The following PTPRQ variants were observed in gnomAD, a reference collection of about 807,000 sequenced individuals.
PTPRQ encodes protein tyrosine phosphatase receptor type Q.
A neutral mutation model predicts 246.0 loss-of-function variants in PTPRQ; 199 were observed. The observed-to-expected ratio is 0.81, with a 90% CI of 0.72 to 0.91. PTPRQ has a LOEUF of 0.91. PTPRQ is among the 40% of genes least tolerant of loss of function. PTPRQ has a pLI of 0.00. For synonymous variants in PTPRQ, 869 were observed against 853.2 expected, an observed-to-expected ratio of 1.02 and a Z score of -0.32; for missense variants, 2,624 against 2,528.4, an observed-to-expected ratio of 1.04 and a Z score of -0.81.
At chr12:80,486,930 G>A (rs1268706576) in intron 9 of PTPRQ, among the ~76,000 whole-genome samples, 1 of 152,042 alleles carries the variant, frequency 6.6e-6, no homozygotes, top group Non-Finnish European at 1.5e-5. Flanking sequence ...GCAATTTTAT[G>A]TACTGTGACA....
chr12:80,618,546 T>C (rs1202710440), intron 30 of PTPRQ, among the ~76,000 whole-genome samples: 1 of 151,600 alleles, frequency 6.6e-6, no homozygotes, highest in Non-Finnish European at 1.5e-5. Flanking sequence ...AAAGTACATA[T>C]ATCTTTTGTT....
intron 17 of PTPRQ, among the ~76,000 whole-genome samples, chr12:80,530,052 A>C (rs975451623): frequency 4.6e-5 from 7 of 152,120 alleles, no homozygotes; most frequent in African/African-American, 1.7e-4. Context: ...TTGGATATGT[A>C]AGAGTTAGAC....
chr12:80,643,044 A>C (rs1264157553), intron 35 of PTPRQ, among the ~76,000 whole-genome samples: 1 of 152,116 alleles, frequency 6.6e-6, no homozygotes, highest in Admixed American at 6.5e-5. Flanking sequence ...TATCCTTCAA[A>C]TTTAATGCTT....
intron 25 of PTPRQ, among the ~76,000 whole-genome samples, chr12:80,558,593 C>T (rs554181455): frequency 2.6e-5 from 4 of 151,412 alleles, no homozygotes; most frequent in East Asian, 3.9e-4. Context: ...TATAAACACA[C>T]GTGCACAATT....
At position 80,539,929 on chromosome 12, in the gene PTPRQ, T is replaced by C. The variant is rs969072121; in HGVS notation, c.3139T>C (p.Tyr1047His). 5 of 1,544,080 alleles carry C rather than the reference T, an allele frequency of 3.2e-6. No individual in the cohort carries two copies. The change falls in exon 20 of 45, where the codon TAC (tyrosine) becomes CAC (histidine). Residue 1047 changes from tyrosine to histidine, a missense_variant. Physicochemically the swap from Tyr to His is moderately conservative, Grantham distance 83. Coordinates refer to ENST00000644991, the MANE Select transcript of PTPRQ (RefSeq NM_001145026.2). ...GNKSSDIIEV[Y>H]TDQDIPEGFV... ...TAAAAGCAGTGACATCATTGAAGTATACACAGATCAAGACAGTATGTAAAC... is the reference window on the plus strand; with the variant it reads ...TAAAAGCAGTGACATCATTGAAGTACACACAGATCAAGACAGTATGTAAAC...
intron 32 of PTPRQ, among the ~76,000 whole-genome samples, 200 bp from the exon 33 acceptor site, chr12:80,621,861 G>T (rs559091606): frequency 1.3e-5 from 2 of 151,794 alleles, no homozygotes; most frequent in East Asian, 1.9e-4. Flanking sequence ...AAATTCAATG[G>T]GTCAAAGTAC....
chr12:80,595,167 C>T (rs1020132440), intron 26 of PTPRQ, among the ~76,000 whole-genome samples: 3 of 152,024 alleles, frequency 2.0e-5, no homozygotes, highest in African/African-American at 7.2e-5. Flanking sequence ...TTCAGAAATC[C>T]TTATTTCCAG....
At chr12:80,449,084 G>A (rs1481227142) in intron 3 of PTPRQ, among the ~76,000 whole-genome samples, 1 of 151,566 alleles carries the variant, frequency 6.6e-6, no homozygotes, top group Non-Finnish European at 1.5e-5. Flanking sequence ...GTGTGAGATG[G>A]TATCTCATTG....
At chr12:80,557,076 G>C (rs901857520) in intron 25 of PTPRQ, among the ~76,000 whole-genome samples, 1 of 152,062 alleles carries the variant, frequency 6.6e-6, no homozygotes, top group Admixed American at 6.6e-5. Context: ...CCATTTTCCT[G>C]AACACTGCAG....
Position 80,550,062 on chromosome 12 carries a change from T to C in PTPRQ, c.4285+328T>C, listed in dbSNP as rs368838691. ...TAAACATGTAAACCTTTCATGTATA[T>C]CTCTTTTTAGTCTTACTTGTTTTTA... On this transcript the variant is annotated intron_variant, in intron 25 of 44. Coordinates refer to ENST00000644991, the MANE Select transcript of PTPRQ (RefSeq NM_001145026.2). 4.2e-4 allele frequency among the ~76,000 whole-genome samples: 64 copies of C among 152,274 alleles called. No individual in the cohort carries two copies. In the East Asian group the frequency reaches 8.7e-3, roughly 21 times the overall value.
At chr12:80,619,658 A>G in intron 31 of PTPRQ, 116 bp downstream of exon 31, 1 of 725,310 alleles carries the variant, frequency 1.4e-6, no homozygotes, top group Non-Finnish European at 1.9e-6. Context: ...TCTTGAGATT[A>G]ATAGATTGTC....
intron 29 of PTPRQ, among the ~76,000 whole-genome samples, chr12:80,614,128 T>C (rs1429886907): frequency 2.0e-5 from 3 of 150,736 alleles, no homozygotes; most frequent in Middle Eastern, 3.4e-3. Flanking sequence ...AACAGTGATA[T>C]ATAAAGAGAT....
chr12:80,520,609 T>C (rs1165241390), intron 17 of PTPRQ, among the ~76,000 whole-genome samples: 2 of 147,896 alleles, frequency 1.4e-5, no homozygotes, highest in African/African-American at 2.5e-5. Context: ...GAACATGCGG[T>C]GTTTGGTTTT....
At chr12:80,448,559 G>A (rs967857189) in intron 3 of PTPRQ, among the ~76,000 whole-genome samples, 7 of 149,592 alleles carry the variant, frequency 4.7e-5, no homozygotes, top group African/African-American at 7.4e-5. Flanking sequence ...AGAGTGTGAT[G>A]TTCCCCTTCC....
At chr12:80,639,898 T>C (rs1214401990) in intron 35 of PTPRQ, among the ~76,000 whole-genome samples, 1 of 152,180 alleles carries the variant, frequency 6.6e-6, no homozygotes, top group African/African-American at 2.4e-5. Context: ...GGTACACCTA[T>C]CCCCATTTTA....
Position 80,541,592 on chromosome 12 carries a change from C to A in PTPRQ, c.3192C>A (p.Ser1064=). 6 of 1,538,034 alleles carry A rather than the reference C, an allele frequency of 3.9e-6. No homozygotes were observed. Among genetic ancestry groups the A allele is most frequent in the Non-Finnish European group, 5.3e-6 (6 of 1,140,196 alleles). The change falls in exon 21 of 45, where the codon TCC becomes TCA. Residue 1064 remains serine, a synonymous_variant. Transcript: ENST00000644991. ...EGFVGNLTYE[S]ISSTAINVSW... Reference sequence around the variant, plus strand: ...TTGTTGGAAACCTGACTTACGAATCCATTTCGTCAACTGCAATAAATGTAA... The same window carrying A: ...TTGTTGGAAACCTGACTTACGAATCAATTTCGTCAACTGCAATAAATGTAA...
chr12:80,591,325 C>T (rs1897795601), intron 26 of PTPRQ, among the ~76,000 whole-genome samples: 1 of 152,062 alleles, frequency 6.6e-6, no homozygotes, highest in Non-Finnish European at 1.5e-5. Flanking sequence ...GATGAGGTCT[C>T]ACTATATTGC....
At chr12:80,508,196 A>G (rs1895022156) in intron 16 of PTPRQ, among the ~76,000 whole-genome samples, 1 of 151,862 alleles carries the variant, frequency 6.6e-6, no homozygotes, top group Admixed American at 6.6e-5. Flanking sequence ...AAAGAACAAG[A>G]CTCCCTTGTT....
At chr12:80,525,709 C>T (rs765906704) in intron 17 of PTPRQ, among the ~76,000 whole-genome samples, 26 of 151,738 alleles carry the variant, frequency 1.7e-4, no homozygotes, top group Non-Finnish European at 3.2e-4. Flanking sequence ...GTTTCTTACT[C>T]TGTGTATGTG....
Sources: gnomAD v4.1 joint callset for allele counts (sites outside exome capture counted in the v4.1 genomes callset) on GRCh38, gnomAD v4.1.1 for gene constraint, MANE v1.5 for transcripts, NCBI Gene and HGNC (gene_info 2026-07-23, HGNC 2026-07-21) for gene names.